SHTN1: variants seen among roughly 807,000 people sequenced by gnomAD.
The protein encoded by SHTN1 is shootin 1, also known as shootin-1.
A neutral mutation model predicts 83.1 loss-of-function variants in SHTN1; 42 were observed. The observed-to-expected ratio is 0.51, with a 90% CI of 0.39 to 0.65. The LOEUF (loss-of-function observed/expected upper bound fraction) is 0.65, where lower values mean the gene tolerates loss of function less well. SHTN1 is among the 30% of genes least tolerant of loss of function. The probability of loss-of-function intolerance (pLI) is 0.00; values close to 1 mark genes in which losing one functional copy is unlikely to be tolerated. For synonymous variants in SHTN1, 224 were observed against 247.7 expected, an observed-to-expected ratio of 0.90 and a Z score of 0.90; for missense variants, 622 against 737.8, an observed-to-expected ratio of 0.84 and a Z score of 1.82.
At chr10:117,024,579 C>T (rs1214348338) in intron 2 of SHTN1, among the ~76,000 whole-genome samples, 3 of 151,762 alleles carry the variant, frequency 2.0e-5, no homozygotes, top group African/African-American at 7.3e-5. Flanking sequence ...AGGATGGTCT[C>T]GATCTCCTGA....
At chr10:116,990,862 C>T (rs1478362822) in intron 1 of SHTN1, among the ~76,000 whole-genome samples, 2 of 152,098 alleles carry the variant, frequency 1.3e-5, no homozygotes, top group African/African-American at 2.4e-5. Flanking sequence ...TCTACTCCCT[C>T]TTTGAAGACG....
intron 2 of SHTN1, among the ~76,000 whole-genome samples, chr10:116,978,166 C>G (rs1850877931): frequency 6.6e-6 from 1 of 152,118 alleles, no homozygotes; most frequent in African/African-American, 2.4e-5. Context: ...GGAGTACTTA[C>G]CATTAATATC....
upstream of SHTN1, chr10:117,005,275 C>T (rs1200261811): frequency 3.5e-6 from 5 of 1,435,628 alleles, no homozygotes; most frequent in Non-Finnish European, 4.6e-6. Flanking sequence ...CGGCTGCGGC[C>T]GCTTCACCTG....
intron 1 of SHTN1, among the ~76,000 whole-genome samples, chr10:116,984,884 G>A (rs1387125274): frequency 6.6e-6 from 1 of 152,148 alleles, no homozygotes. Context: ...AAGTCCCAGT[G>A]CTTCCCTAAA....
intron 9 of SHTN1, among the ~76,000 whole-genome samples, chr10:116,937,676 T>C (rs2133391279): frequency 6.6e-6 from 1 of 152,166 alleles, no homozygotes; most frequent in South Asian, 2.1e-4. Context: ...CTTTGTGGTG[T>C]TTTCTGTGTT....
At chr10:117,068,647 GAATCTGGATTC>G (rs1853038856) in intron 1 of SHTN1, among the ~76,000 whole-genome samples, 1 of 151,374 alleles carries the variant, frequency 6.6e-6, no homozygotes, top group Non-Finnish European at 1.5e-5. Flanking sequence ...TTTCTTGTTT[GAATCTGGATTC>G]AATGCCATTA....
chr10:117,009,909 G>T (rs2133555019), upstream of SHTN1, among the ~76,000 whole-genome samples: 1 of 150,870 alleles, frequency 6.6e-6, no homozygotes, highest in South Asian at 2.1e-4. Flanking sequence ...TCAAAAAAAA[G>T]GAAAAGAAAA....
At chr10:116,984,018 T>C (rs937653268) in intron 1 of SHTN1, among the ~76,000 whole-genome samples, 1 of 152,140 alleles carries the variant, frequency 6.6e-6, no homozygotes, top group Non-Finnish European at 1.5e-5. Context: ...GTTTCAGAAA[T>C]GTGACAACTA....
chr10:116,987,939 C>A (rs540993889), intron 1 of SHTN1, among the ~76,000 whole-genome samples: 12 of 150,422 alleles, frequency 8.0e-5, no homozygotes, highest in African/African-American at 2.4e-4. Context: ...AAAAAAAAAA[C>A]CGTGGGTGCC....
At chr10:116,917,955 C>T (rs1282593351) in intron 12 of SHTN1, among the ~76,000 whole-genome samples, 2 of 152,270 alleles carry the variant, frequency 1.3e-5, no homozygotes, top group Middle Eastern at 3.4e-3. Context: ...TCTCTCTTGC[C>T]GACCCTGTTT....
chr10:116,884,069 C>T lies in SHTN1; in HGVS notation c.*2275G>A, dbSNP rs1026884351. 2.9e-6 allele frequency: 1 copy of T among 344,516 alleles called. No homozygotes were observed. The highest frequency in any genetic ancestry group is 2.1e-5 in the African/African-American group (1 of 46,520). The allele number at this position is 344,516 out of a possible 1,614,324, so 21.3% of individuals were successfully genotyped here. ...AGCGCACAAGACTTAATTTATCTTT[C>T]CCAAACAGAAGGAAGCATAAATAAC... On this transcript the variant is annotated 3_prime_UTR_variant, in exon 17 of 17. Transcript: ENST00000355371.
intron 1 of SHTN1, among the ~76,000 whole-genome samples, chr10:117,072,864 C>G (rs1035505321): frequency 2.0e-5 from 3 of 152,118 alleles, no homozygotes; most frequent in African/African-American, 7.2e-5. Context: ...AAGAAGAAAT[C>G]CCTGATTTAC....
At chr10:117,012,722 G>T (rs944130346) in intron 2 of SHTN1, among the ~76,000 whole-genome samples, 1 of 151,806 alleles carries the variant, frequency 6.6e-6, no homozygotes, top group African/African-American at 2.4e-5. Flanking sequence ...TGCCAAAAGC[G>T]TAATCAATAA....
At chr10:116,991,471 C>T (rs1167306033) in intron 1 of SHTN1, among the ~76,000 whole-genome samples, 3 of 152,018 alleles carry the variant, frequency 2.0e-5, no homozygotes, top group South Asian at 2.1e-4. Flanking sequence ...GGGGAACAAG[C>T]GTGTGGAGCG....
rs1334897232 is a variant in SHTN1, at chr10:117,039,530, A to G, written c.-123+8915T>C. 3.3e-5 allele frequency among the ~76,000 whole-genome samples: 5 copies of G among 152,156 alleles called. No homozygotes were observed. The South Asian group carries it at 1.0e-3, about 31-fold the overall frequency. On this transcript the variant is annotated intron_variant, in intron 2 of 17. Coordinates refer to the SHTN1 transcript ENST00000392901. ...ACAATGTAGGTTCATTAATTGTAAT[A>G]AATGTATCACTCTGATAGGGGATGT...
At chr10:117,041,449 G>A (rs1852583491) in intron 2 of SHTN1, among the ~76,000 whole-genome samples, 1 of 152,126 alleles carries the variant, frequency 6.6e-6, no homozygotes, top group African/African-American at 2.4e-5. Flanking sequence ...GCATCACGGA[G>A]TCCAATACTC....
intron 2 of SHTN1, among the ~76,000 whole-genome samples, chr10:117,017,924 A>G (rs1852204695): frequency 6.6e-6 from 1 of 152,198 alleles, no homozygotes; most frequent in Admixed American, 6.5e-5. Context: ...CAGTCTAATA[A>G]TAATAATAAA....
chr10:116,998,464 G>C (rs1030753960), intron 1 of SHTN1, among the ~76,000 whole-genome samples: 14 of 152,124 alleles, frequency 9.2e-5, no homozygotes, highest in African/African-American at 3.4e-4. Flanking sequence ...TCTTATTACA[G>C]TATATTGTTA....
At chr10:117,077,799 G>T (rs1225478303) in intron 1 of SHTN1, among the ~76,000 whole-genome samples, 1 of 152,052 alleles carries the variant, frequency 6.6e-6, no homozygotes, top group Non-Finnish European at 1.5e-5. Flanking sequence ...CCCTACAAAG[G>T]ACATGAACTC....
Sources: allele counts gnomAD v4.1 joint callset (sites outside exome capture counted in the v4.1 genomes callset), GRCh38; gene constraint gnomAD v4.1.1; transcripts MANE v1.5; gene names NCBI Gene and HGNC (gene_info 2026-07-23, HGNC 2026-07-21).